Variants in FKBP10 observed in about 807,000 individuals in gnomAD.
FKBP10 encodes the protein FKBP prolyl isomerase 10.
FKBP10 carries 34 observed loss-of-function variants against 53.7 expected under a neutral mutation model. The observed-to-expected ratio is 0.63, with a 90% CI of 0.48 to 0.84. The LOEUF (loss-of-function observed/expected upper bound fraction) is 0.84, where lower values mean the gene tolerates loss of function less well. Ranked by LOEUF, FKBP10 falls within the 40% of genes least tolerant of loss-of-function variation. The pLI is 0.00. For missense variants in FKBP10, 748 were observed against 797.8 expected (o/e 0.94, Z 0.75); for synonymous variants, 324 against 335.7 (o/e 0.97, Z 0.38).
At chr17:41,813,383 C>T (rs1214225864) in intron 1 of FKBP10, 104 bp downstream of exon 1, 17 of 1,486,114 alleles carry the variant, frequency 1.1e-5, no homozygotes, top group Non-Finnish European at 1.6e-5. Context: ...TACTCTAACC[C>T]TAGACAGCAC....
chr17:41,821,852 C>A, intron 9 of FKBP10, 35 bp downstream of exon 9: 2 of 1,612,924 alleles, frequency 1.2e-6, no homozygotes, highest in South Asian at 1.1e-5. Flanking sequence ...GCCATGCCCA[C>A]GCAATCCCCG....
chr17:41,817,306 C>T lies in FKBP10; in HGVS notation c.391+103C>T, dbSNP rs1264063293. On this transcript the variant is annotated intron_variant, in intron 2 of 9. Transcript: ENST00000321562. ...AAGTGCGGAGATGAGGAGTGACTTGCCCAATGTCACACTGTGCACGCAGTA... is the reference window on the plus strand; with the variant it reads ...AAGTGCGGAGATGAGGAGTGACTTGTCCAATGTCACACTGTGCACGCAGTA... The T allele has an allele frequency of 2.1e-6, 3 of 1,452,140 alleles. No homozygotes were observed. In the East Asian group the frequency reaches 6.9e-5, roughly 33 times the overall value. The allele number at this position is 1,452,140 out of a possible 1,614,324, so 90.0% of individuals were successfully genotyped here. A position where few individuals can be genotyped will look rare whatever the true frequency, so the allele number is the denominator to read the frequency against.
At chr17:41,813,819 G>A (rs1216062341) in intron 1 of FKBP10, among the ~76,000 whole-genome samples, 4 of 152,072 alleles carry the variant, frequency 2.6e-5, no homozygotes, top group South Asian at 2.1e-4. Flanking sequence ...GAAGACAGCC[G>A]GCTGGACCTG....
Position 41,819,307 on chromosome 17 carries a change from C to T in FKBP10, c.825C>T (p.Leu275=), listed in dbSNP as rs782638955. The change falls in exon 5 of 10, where the codon CTC becomes CTT. Residue 275 remains leucine, a synonymous_variant. Coordinates refer to ENST00000321562, the MANE Select transcript of FKBP10 (RefSeq NM_021939.4). The part of the protein sequence containing the change: ...KDAVQLETLE[L]PPGCVRRAGA... ...CTGTCCAGCTAGAGACGCTGGAGCT[C>T]CCCCCCGGCTGTGTCCGCAGAGCCG... 1.9e-6 allele frequency: 3 copies of T among 1,613,178 alleles called. No homozygotes were observed. Among genetic ancestry groups the T allele is most frequent in the African/African-American group, 2.7e-5 (2 of 74,874 alleles).
chr17:41,819,360 A>G lies in FKBP10; in HGVS notation c.878A>G (p.Tyr293Cys). 2 of 1,613,326 alleles carry G rather than the reference A, an allele frequency of 1.2e-6. No homozygotes were observed. The highest frequency in any genetic ancestry group is 1.7e-6 in the Non-Finnish European group (2 of 1,179,742). The change falls in exon 5 of 10, where the codon TAC (tyrosine) becomes TGC (cysteine). Residue 293 changes from tyrosine (Y) to cysteine (C), a missense_variant. By Grantham distance (194) the Tyr-to-Cys change is radical (BLOSUM62 -2). Transcript: ENST00000321562. ...AGAGDFMRYH[Y>C]NGSLMDGTLF... is the part of the protein sequence containing the mutation. ...GCCGGGGACTTCATGCGCTACCACTACAATGGCTCCTTGATGGACGGCACC... is the reference window on the plus strand; with the variant it reads ...GCCGGGGACTTCATGCGCTACCACTGCAATGGCTCCTTGATGGACGGCACC...
Position 41,819,518 on chromosome 17 carries a change from C to G in FKBP10, c.918-12C>G. On this transcript the variant is annotated splice_polypyrimidine_tract_variant and intron_variant, in intron 5 of 9. Coordinates refer to ENST00000321562, the MANE Select transcript of FKBP10 (RefSeq NM_021939.4). ...TTGACTCCCTTCCTGGCCCTCCCGC[C>G]TTGTATTGCAGCTACTCCCGCAACC... 1 of 1,614,092 alleles carries G rather than the reference C, an allele frequency of 6.2e-7. No homozygotes were observed. Among genetic ancestry groups the G allele is most frequent in the Non-Finnish European group, 8.5e-7 (1 of 1,179,994 alleles).
In FKBP10 at chr17:41,820,289, G is replaced by A; in HGVS notation, c.1084G>A (p.Ala362Thr). Reference sequence around the variant, plus strand: ...CTCAGGAGACAAGATCCCTGGCTCTGCCGTGCTAATCTTCAACGTCCATGT... The same window carrying A: ...CTCAGGAGACAAGATCCCTGGCTCTACCGTGCTAATCTTCAACGTCCATGT... ...NGTGDKIPGS[A>T]VLIFNVHVID... is the part of the protein sequence containing the mutation. The change falls in exon 7 of 10, where the codon GCC becomes ACC. Residue 362 changes from alanine to threonine, a missense_variant. By Grantham distance (58) the Ala-to-Thr change is moderately conservative (BLOSUM62 0). Transcript: ENST00000321562. The A allele has an allele frequency of 6.2e-7, 1 of 1,614,186 alleles. No individual in the cohort carries two copies. The highest frequency in any genetic ancestry group is 1.1e-5 in the South Asian group (1 of 91,086).
At chr17:41,814,432 C>T (rs915140359) in intron 1 of FKBP10, among the ~76,000 whole-genome samples, 7 of 152,224 alleles carry the variant, frequency 4.6e-5, no homozygotes, top group African/African-American at 1.7e-4. Flanking sequence ...ACGTAGGCTT[C>T]TCACAGGGCC....
chr17:41,822,074 CT>C, intron 9 of FKBP10, 148 bp from the exon 10 acceptor site: 1 of 885,866 alleles, frequency 1.1e-6, no homozygotes, highest in Non-Finnish European at 1.8e-6. Flanking sequence ...GCACCAGTGC[CT>C]TTCCCAGCCC....
intron 8 of FKBP10, 25 bp from the exon 9 acceptor site, chr17:41,821,629 C>T (rs1448631364): frequency 6.2e-7 from 1 of 1,612,958 alleles, no homozygotes; most frequent in Non-Finnish European, 8.5e-7. Context: ...TAGGACCCCT[C>T]CCTTCTCTCC....
intron 1 of FKBP10, among the ~76,000 whole-genome samples, chr17:41,815,228 T>A (rs1340216513): frequency 2.0e-5 from 3 of 152,286 alleles, no homozygotes; most frequent in Middle Eastern, 3.4e-3. Context: ...TGTCTACGTG[T>A]CACACAGTCA....
chr17:41,820,820 TG>T, intron 7 of FKBP10, 126 bp from the exon 8 acceptor site: 2 of 1,335,714 alleles, frequency 1.5e-6, no homozygotes, highest in Non-Finnish European at 2.0e-6. Context: ...CTCTGCTGCG[TG>T]GCCCAAGTCA....
Position 41,822,331 on chromosome 17 carries a change from C to A in FKBP10, c.1672C>A (p.Gln558Lys), listed in dbSNP as rs1211512328. ...GDMFQNQDRN[Q>K]DGKITVDELK... Reference sequence around the variant, plus strand: ...CATGTTCCAGAACCAGGACCGCAACCAGGACGGCAAGATCACAGTCGACGA... The same window carrying A: ...CATGTTCCAGAACCAGGACCGCAACAAGGACGGCAAGATCACAGTCGACGA... The change falls in exon 10 of 10, where the codon CAG becomes AAG. Residue 558 changes from glutamine to lysine, a missense_variant. Transcript: ENST00000321562. The A allele has an allele frequency of 6.2e-7, 1 of 1,613,634 alleles. No homozygotes were observed. The highest frequency in any genetic ancestry group is 1.3e-5 in the African/African-American group (1 of 74,938).
At position 41,821,677 on chromosome 17, in the gene FKBP10, G is replaced by A. The variant is rs1555617129; in HGVS notation, c.1423G>A (p.Val475Met). 9 of 1,614,054 alleles carry A rather than the reference G, an allele frequency of 5.6e-6. No homozygotes were observed. The highest frequency in any genetic ancestry group is 7.6e-6 in the Non-Finnish European group (9 of 1,180,004). Reference protein sequence around the residue: ...SGARGVPGSAVLLFEVELVSR... With the variant: ...SGARGVPGSAMLLFEVELVSR... ...AGCCCGGGGAGTCCCAGGCAGTGCT[G>A]TGCTGCTGTTTGAGGTGGAGCTGGT... The change falls in exon 9 of 10, where the codon GTG (valine) becomes ATG (methionine). Residue 475 changes from valine (V) to methionine (M), a missense_variant. Transcript: ENST00000321562.
chr17:41,815,787 TA>T (rs111544145), intron 1 of FKBP10, among the ~76,000 whole-genome samples: 126,069 of 147,528 alleles, frequency 0.85, 54,043 homozygotes, highest in East Asian at 1. Context: ...CCCCTTCAAT[TA>T]AAAAAAAAAA....
intron 4 of FKBP10, 97 bp from the exon 5 acceptor site, chr17:41,819,113 C>A: frequency 1.6e-6 from 2 of 1,230,368 alleles, no homozygotes; most frequent in Non-Finnish European, 2.4e-6. Context: ...GAGAGTGGGG[C>A]TAGTGTCTTG....
Position 41,820,690 on chromosome 17 carries a change from CTCTT to C in FKBP10, c.1256+233_1256+236del, listed in dbSNP as rs573193689. The C allele has an allele frequency of 1.0e-3, 665 of 666,000 alleles. 4 individuals are homozygous for C. The highest frequency in any genetic ancestry group is 6.3e-3 in the Middle Eastern group (15 of 2,392). 41.3% of individuals were successfully genotyped at this position (666,000 alleles called of 1,614,324 possible). ...GAAGCCAACAGTTGGGGGAGAACTGCTCTTTCTATTTCACAGAGGGGAAACTGAC... is the reference window on the plus strand; with the variant it reads ...GAAGCCAACAGTTGGGGGAGAACTGCTCTATTTCACAGAGGGGAAACTGAC... On this transcript the variant is annotated intron_variant, in intron 7 of 9. Coordinates refer to ENST00000321562, the MANE Select transcript of FKBP10 (RefSeq NM_021939.4).
chr17:41,821,828 G>T lies in FKBP10; in HGVS notation c.1563+11G>T. 1 of 1,614,046 alleles carries T rather than the reference G, an allele frequency of 6.2e-7. No individual in the cohort carries two copies. Among genetic ancestry groups the T allele is most frequent in the Non-Finnish European group, 8.5e-7 (1 of 1,180,026 alleles). On this transcript the variant is annotated intron_variant, in intron 9 of 9. Coordinates refer to ENST00000321562, the MANE Select transcript of FKBP10 (RefSeq NM_021939.4). ...GTCCCTCCGGAGGAGGTGGGTGAAG[G>T]TTCAGTCCTAATAGCCATGCCCACG...
chr17:41,818,455 C>T lies in FKBP10; in HGVS notation c.655C>T (p.Leu219=), dbSNP rs781837832. The T allele has an allele frequency of 1.2e-6, 2 of 1,614,188 alleles. No homozygotes were observed. The highest frequency in any genetic ancestry group is 1.7e-6 in the Non-Finnish European group (2 of 1,180,026). The change falls in exon 4 of 10, where the codon CTG becomes TTG. Residue 219 remains leucine, a synonymous_variant. Transcript: ENST00000321562. ...GATCAAGGGCATGGACCAGGGGCTG[C>T]TGGGCATGTGTCCTGGAGAGAGAAG... ...WLIKGMDQGL[L]GMCPGERRKI...
Sources: gnomAD v4.1 joint callset for allele counts (sites outside exome capture counted in the v4.1 genomes callset) on GRCh38, gnomAD v4.1.1 for gene constraint, MANE v1.5 for transcripts, NCBI Gene and HGNC (gene_info 2026-07-23, HGNC 2026-07-21) for gene names.